Variants in SIN3B observed in about 807,000 individuals in gnomAD.
SIN3B encodes the protein paired amphipathic helix protein Sin3b.
SIN3B carries 19 observed loss-of-function variants against 120.2 expected under a neutral mutation model. The observed-to-expected ratio is 0.16, with a 90% confidence interval of 0.11 to 0.23. The LOEUF is 0.23. Among genes scored for constraint, SIN3B ranks in the 10% least tolerant of loss-of-function variants. The pLI is 1.00. For missense variants in SIN3B, 1,073 were observed against 1,573.0 expected, an observed-to-expected ratio of 0.68 and a Z score of 5.38; for synonymous variants, 654 against 653.2, an observed-to-expected ratio of 1.00 and a Z score of -0.02.
Position 16,865,659 on chromosome 19 carries a change from G to T in SIN3B, c.1622+11G>T, listed in dbSNP as rs1971759964. ...CGTTGTCCTGAAAAGGTGCCCTGTGGCGTCCCGACTTCCCTTCCCCTTCCC... is the reference window on the plus strand; with the variant it reads ...CGTTGTCCTGAAAAGGTGCCCTGTGTCGTCCCGACTTCCCTTCCCCTTCCC... On this transcript the variant is annotated intron_variant, in intron 11 of 18. Transcript: ENST00000248054. 6.4e-7 allele frequency: 1 copy of T among 1,567,920 alleles called. No individual in the cohort carries two copies. The highest frequency in any genetic ancestry group is 8.7e-7 in the Non-Finnish European group (1 of 1,147,658).
chr19:16,838,109 C>T (rs891947193), intron 3 of SIN3B, among the ~76,000 whole-genome samples: 2 of 151,998 alleles, frequency 1.3e-5, no homozygotes, highest in African/African-American at 2.4e-5. Flanking sequence ...GCAGCACAGT[C>T]GGCAAATGGT....
At chr19:16,845,571 C>A (rs1452423988) in intron 4 of SIN3B, among the ~76,000 whole-genome samples, 2 of 152,148 alleles carry the variant, frequency 1.3e-5, no homozygotes, top group African/African-American at 4.8e-5. Context: ...CCGCACCTGG[C>A]CTTGCCTTCT....
At position 16,878,654 on chromosome 19, in the gene SIN3B, A is replaced by T. The variant is rs775898027; in HGVS notation, c.3320A>T (p.Glu1107Val). Residue 1107 changes from glutamate to valine, a missense_variant, in exon 19 of 19, where the codon GAG becomes GTG. By Grantham distance (121) the Glu-to-Val change is moderately radical (BLOSUM62 -2). Transcript: ENST00000248054. ...EDMVPCKTLC[E>V]TVHVHGLPVT... ...ATGGTACCCTGCAAGACGCTGTGTGAGACAGTGCACGTGCACGGCCTGCCC... is the reference window on the plus strand; with the variant it reads ...ATGGTACCCTGCAAGACGCTGTGTGTGACAGTGCACGTGCACGGCCTGCCC... The T allele has an allele frequency of 6.2e-7, 1 of 1,613,482 alleles. No individual in the cohort carries two copies. Among genetic ancestry groups the T allele is most frequent in the Non-Finnish European group, 8.5e-7 (1 of 1,179,812 alleles).
chr19:16,848,426 GTTT>G (rs11293258), intron 5 of SIN3B, among the ~76,000 whole-genome samples: 62 of 116,948 alleles, frequency 5.3e-4, no homozygotes, highest in Non-Finnish European at 5.1e-4. Flanking sequence ...TCTTTTCCAG[GTTT>G]TTTTTTTTTT....
intron 11 of SIN3B, 39 bp from the exon 12 acceptor site, chr19:16,866,334 C>T (rs779026071): frequency 3.2e-6 from 5 of 1,577,276 alleles, no homozygotes; most frequent in Non-Finnish European, 4.3e-6. Flanking sequence ...GGAGGATGCC[C>T]TGGCTTGTCC....
chr19:16,847,038 G>C lies in SIN3B; in HGVS notation c.651G>C (p.Val217=). 1 of 1,614,184 alleles carries C rather than the reference G, an allele frequency of 6.2e-7. No homozygotes were observed. The highest frequency in any genetic ancestry group is 8.5e-7 in the Non-Finnish European group (1 of 1,180,000). ...CTGAAGAGGAGGTGTTCACCGAGGT[G>C]GCCAACCTCTTCCGGGGCCAGGAGG... ...GMSEEEVFTE[V]ANLFRGQEDL... is the part of the protein sequence containing the mutation. Residue 217 remains valine (V), a synonymous_variant, in exon 5 of 19, where the codon GTG becomes GTC. Transcript: ENST00000248054.
intron 3 of SIN3B, among the ~76,000 whole-genome samples, chr19:16,840,536 C>T (rs912375039): frequency 2.0e-5 from 3 of 152,226 alleles, no homozygotes; most frequent in African/African-American, 4.8e-5. Context: ...TGGATGCACT[C>T]ACCCCACTGA....
At chr19:16,860,899 G>A (rs79967819) in intron 8 of SIN3B, among the ~76,000 whole-genome samples, 18,664 of 151,834 alleles carry the variant, frequency 0.12, 1,430 homozygotes, top group East Asian at 0.27. Context: ...GGCCATAACT[G>A]CAACTTTTTT....
At chr19:16,842,247 C>T (rs1053657213) in intron 4 of SIN3B, among the ~76,000 whole-genome samples, 11 of 151,740 alleles carry the variant, frequency 7.2e-5, no homozygotes, top group African/African-American at 2.2e-4. Context: ...AGAACATGGG[C>T]GCACATCACC....
intron 14 of SIN3B, chr19:16,872,808 C>T (rs1043152342): frequency 6.6e-6 from 1 of 152,214 alleles, no homozygotes; most frequent in Non-Finnish European, 1.5e-5. Context: ...CAGCAGCACA[C>T]AGCGCCCAGC....
intron 8 of SIN3B, among the ~76,000 whole-genome samples, chr19:16,861,624 A>C (rs936615281): frequency 6.6e-6 from 1 of 152,138 alleles, no homozygotes; most frequent in Non-Finnish European, 1.5e-5. Context: ...TTAGCCGGGC[A>C]TGGTGGTGCA....
chr19:16,839,207 A>G (rs1405345102), intron 3 of SIN3B, among the ~76,000 whole-genome samples: 2 of 152,002 alleles, frequency 1.3e-5, no homozygotes, highest in Non-Finnish European at 2.9e-5. Flanking sequence ...ACTTCAAGGG[A>G]TCTGTCCACC....
At chr19:16,869,299 C>A (rs974074852) in intron 12 of SIN3B, among the ~76,000 whole-genome samples, 161 bp from the exon 13 acceptor site, 1 of 152,178 alleles carries the variant, frequency 6.6e-6, no homozygotes, top group African/African-American at 2.4e-5. Flanking sequence ...AAGCGACCTA[C>A]CCCCCAGGCC....
intron 9 of SIN3B, 50 bp from the exon 10 acceptor site, chr19:16,863,630 T>G: frequency 1.7e-6 from 2 of 1,194,234 alleles, no homozygotes; most frequent in Non-Finnish European, 2.5e-6. Context: ...ACAGTAAATC[T>G]TGGCTCCTGG....
In SIN3B at chr19:16,880,282, G is replaced by C. The variant is rs1373788607; in HGVS notation, c.*1555G>C. 1 of 152,210 alleles carries C rather than the reference G, an allele frequency of 6.6e-6. No individual in the cohort carries two copies. Among genetic ancestry groups the C allele is most frequent in the Non-Finnish European group, 1.5e-5 (1 of 68,064 alleles). 9.4% of individuals were successfully genotyped at this position (152,210 alleles called of 1,614,324 possible). Reference sequence around the variant, plus strand: ...CTGTTCTGGGGCTTGTCCTTCCTTTGCAGCTGTTTTGAATGTAGTTTTCCT... The same window carrying C: ...CTGTTCTGGGGCTTGTCCTTCCTTTCCAGCTGTTTTGAATGTAGTTTTCCT... On this transcript the variant is annotated 3_prime_UTR_variant, in exon 19 of 19. Transcript: ENST00000248054.
chr19:16,878,517 C>T lies in SIN3B; in HGVS notation c.3183C>T (p.Leu1061=), dbSNP rs200770001. The T allele has an allele frequency of 7.8e-5, 123 of 1,581,338 alleles. No homozygotes were observed. The East Asian group carries it at 2.3e-3, about 30-fold the overall frequency. ...AACAGGTGCAGCCCCTGGTCCTGCT[C>T]CGCCACCACCAGCACTTTGAGGAGT... is the stretch of plus-strand genomic sequence containing the variant. ...RAKQVQPLVL[L]RHHQHFEEWH... Residue 1061 remains leucine, a synonymous_variant, in exon 19 of 19, where the codon CTC becomes CTT. Coordinates refer to ENST00000248054, the MANE Select transcript of SIN3B (RefSeq NM_001297595.2).
At chr19:16,838,524 A>G (rs1246874241) in intron 3 of SIN3B, among the ~76,000 whole-genome samples, 2 of 152,042 alleles carry the variant, frequency 1.3e-5, no homozygotes, top group Admixed American at 1.3e-4. Context: ...CTTCCTTAAG[A>G]CTGAATCATT....
At position 16,879,574 on chromosome 19, in the gene SIN3B, T is replaced by C. The variant is rs1039882750; in HGVS notation, c.*847T>C. The C allele has an allele frequency of 4.6e-5, 7 of 152,284 alleles. No homozygotes were observed. In the East Asian group the frequency reaches 1.3e-3, roughly 29 times the overall value. 9.4% of individuals were successfully genotyped at this position (152,284 alleles called of 1,614,324 possible). ...TTCCTTTCGCTTTTAGTGGTTGTTA[T>C]TTCTGTAGCAGCCAAGTCCTGCGGC... On this transcript the variant is annotated 3_prime_UTR_variant, in exon 19 of 19. Coordinates refer to ENST00000248054, the MANE Select transcript of SIN3B (RefSeq NM_001297595.2).
chr19:16,835,930 C>G (rs1395909948), intron 3 of SIN3B, among the ~76,000 whole-genome samples: 1 of 152,212 alleles, frequency 6.6e-6, no homozygotes, highest in African/African-American at 2.4e-5. Context: ...TGTGACCCAC[C>G]ACGCCTGGCC....
Sources: allele counts gnomAD v4.1 joint callset (sites outside exome capture counted in the v4.1 genomes callset), GRCh38; gene constraint gnomAD v4.1.1; transcripts MANE v1.5; gene names NCBI Gene and HGNC (gene_info 2026-07-23, HGNC 2026-07-21).